RNF144B: variants seen among roughly 807,000 people sequenced by gnomAD.
RNF144B encodes ring finger protein 144B, also known as E3 ubiquitin-protein ligase RNF144B.
RNF144B carries 25 observed loss-of-function variants against 40.2 expected under a neutral mutation model. The ratio of observed to expected loss-of-function variants is 0.62; its 90% CI spans 0.45 to 0.87. RNF144B has a LOEUF of 0.87. Among genes scored for constraint, RNF144B ranks in the 40% least tolerant of loss-of-function variants. RNF144B has a pLI of 0.00. For synonymous variants in RNF144B, 145 were observed against 136.3 expected (o/e 1.06, Z -0.44); for missense variants, 365 against 373.7 (o/e 0.98, Z 0.19).
intron 2 of RNF144B, among the ~76,000 whole-genome samples, chr6:18,404,314 A>C (rs1031204710): frequency 2.0e-5 from 3 of 152,206 alleles, no homozygotes; most frequent in Non-Finnish European, 4.4e-5. Context: ...TATGGAGATA[A>C]GAAGACTCAG....
intron 2 of RNF144B, among the ~76,000 whole-genome samples, chr6:18,404,313 A>G (rs186132008): frequency 7.9e-5 from 12 of 152,320 alleles, no homozygotes; most frequent in African/African-American, 2.6e-4. Flanking sequence ...ATATGGAGAT[A>G]AGAAGACTCA....
Position 18,441,296 on chromosome 6 carries a change from T to C in RNF144B, c.331+1552T>C, listed in dbSNP as rs191141047. Among the ~76,000 whole-genome samples the C allele has an allele frequency of 1.1e-3, 175 of 152,330 alleles. 3 individuals are homozygous for C. In the East Asian group the frequency reaches 0.026, roughly 23 times the overall value. ...CTGTGGATGCCTGGCTGGTAGCAAG[T>C]ACCATGATTTGAGTGCTTTTACCTG... On this transcript the variant is annotated intron_variant, in intron 4 of 7. Transcript: ENST00000259939. This position sits in a 1 kb window ranked among gnomAD's most constrained non-coding sequence, Gnocchi z 4.9.
In RNF144B at chr6:18,434,353, TG is replaced by T. The variant is rs1349435470; in HGVS notation, c.271-5330del. On this transcript the variant is annotated intron_variant, in intron 3 of 7. Transcript: ENST00000259939. The surrounding 1 kb of genome is among the most constrained non-coding windows in gnomAD (Gnocchi z 4.1). ...CACTTTCTGCCTCCCTTTTTTGCTT[TG>T]TTTTTTTCTGAGAGGGGGTAAGGTC... Among the ~76,000 whole-genome samples, 1 of 150,238 alleles carries T rather than the reference TG, an allele frequency of 6.7e-6. No homozygotes were observed. The highest frequency in any genetic ancestry group is 2.4e-5 in the African/African-American group (1 of 41,378).
intron 3 of RNF144B, among the ~76,000 whole-genome samples, chr6:18,431,862 A>G (rs1758702418): frequency 6.6e-6 from 1 of 152,010 alleles, no homozygotes; most frequent in African/African-American, 2.4e-5. Context: ...TGCCTTCTTG[A>G]TTTTTCCAAA....
At chr6:18,401,416 G>A (rs1283326930) in intron 2 of RNF144B, among the ~76,000 whole-genome samples, 2 of 152,186 alleles carry the variant, frequency 1.3e-5, no homozygotes, top group Non-Finnish European at 2.9e-5. Flanking sequence ...CAAAAGCAGA[G>A]AGTCAAATGG....
At chr6:18,387,731 T>A (rs1301890422) in intron 1 of RNF144B, 101 bp downstream of exon 1, 32 of 1,039,406 alleles carry the variant, frequency 3.1e-5, no homozygotes, top group Non-Finnish European at 3.7e-5. Flanking sequence ...GACACCACAA[T>A]TTTTCGATTT....
chr6:18,457,416 A>G lies in RNF144B; in HGVS notation c.536+57A>G. On this transcript the variant is annotated intron_variant, in intron 5 of 7. Coordinates refer to ENST00000259939, the MANE Select transcript of RNF144B (RefSeq NM_182757.4). The surrounding 1 kb of genome is among the most constrained non-coding windows in gnomAD (Gnocchi z 5.1). ...TCACTAGTTTTCTTAGAAATTCAACATACCTTACGTGTAGAAGGAGTTACG... is the reference window on the plus strand; with the variant it reads ...TCACTAGTTTTCTTAGAAATTCAACGTACCTTACGTGTAGAAGGAGTTACG... The G allele has an allele frequency of 7.6e-7, 1 of 1,310,996 alleles. No homozygotes were observed. The highest frequency in any genetic ancestry group is 1.1e-6 in the Non-Finnish European group (1 of 903,558). 81.2% of individuals were successfully genotyped at this position (1,310,996 alleles called of 1,614,324 possible).
rs2113459981 is a variant in RNF144B at position 18,398,403 on chromosome 6, A to G, written c.-36-1096A>G. Among the ~76,000 whole-genome samples the G allele has an allele frequency of 6.6e-6, 1 of 151,958 alleles. No individual in the cohort carries two copies. The highest frequency in any genetic ancestry group is 2.1e-4 in the South Asian group (1 of 4,818). ...AATTTTTTATTTTTTGAGACGTTTC[A>G]TTCTGTCACCCAGGCTGGAGTGTGG... On this transcript the variant is annotated intron_variant, in intron 1 of 7. Transcript: ENST00000259939. The surrounding 1 kb of genome is among the most constrained non-coding windows in gnomAD (Gnocchi z 5.0).
chr6:18,419,161 C>T lies in RNF144B; in HGVS notation c.166-8420C>T, dbSNP rs189919340. ...TCAGTAAGGTAGTTGAATAGTAAGG[C>T]AGGCGAATGTTATCTCTGAAGTTCC... On this transcript the variant is annotated intron_variant, in intron 2 of 7. Coordinates refer to ENST00000259939, the MANE Select transcript of RNF144B (RefSeq NM_182757.4). The surrounding 1 kb of genome is among the most constrained non-coding windows in gnomAD (Gnocchi z 4.6). Among the ~76,000 whole-genome samples, 23 of 152,246 alleles carry T rather than the reference C, an allele frequency of 1.5e-4. No homozygotes were observed. Among genetic ancestry groups the T allele is most frequent in the South Asian group, 6.2e-4 (3 of 4,832 alleles).
chr6:18,450,167 G>A lies in RNF144B; in HGVS notation c.332-6988G>A, dbSNP rs558598102. Among the ~76,000 whole-genome samples, 15 of 152,274 alleles carry A rather than the reference G, an allele frequency of 9.9e-5. No homozygotes were observed. Among genetic ancestry groups the A allele is most frequent in the Non-Finnish European group, 1.9e-4 (13 of 68,024 alleles). On this transcript the variant is annotated intron_variant, in intron 4 of 7. Coordinates refer to ENST00000259939, the MANE Select transcript of RNF144B (RefSeq NM_182757.4). The surrounding 1 kb of genome is among the most constrained non-coding windows in gnomAD (Gnocchi z 4.7). ...TCTGCACTTTCCCAGACTTGTCTGT[G>A]CTGGATGCAGGTTTTATATTAATGT...
chr6:18,406,088 T>G lies in RNF144B; in HGVS notation c.165+6389T>G, dbSNP rs770669005. 3 of 518,946 alleles carry G rather than the reference T, an allele frequency of 5.8e-6. No individual in the cohort carries two copies. The highest frequency in any genetic ancestry group is 1.2e-5 in the Non-Finnish European group (3 of 259,882). The allele number at this position is 518,946 out of a possible 1,614,324, so 32.1% of individuals were successfully genotyped here. A position where few individuals can be genotyped will look rare whatever the true frequency, so the allele number is the denominator to read the frequency against. On this transcript the variant is annotated intron_variant, in intron 2 of 7. Transcript: ENST00000259939. The surrounding 1 kb of genome is among the most constrained non-coding windows in gnomAD (Gnocchi z 4.2). ...CAAATATTTGCTGTGTCTTGCATAGTTCTGATGGTTTGAATATAGTGGTGA... is the reference window on the plus strand; with the variant it reads ...CAAATATTTGCTGTGTCTTGCATAGGTCTGATGGTTTGAATATAGTGGTGA...
At chr6:18,399,392 T>A in intron 1 of RNF144B, 107 bp from the exon 2 acceptor site, 1 of 770,890 alleles carries the variant, frequency 1.3e-6, no homozygotes, top group South Asian at 1.9e-5. Flanking sequence ...GCTGTAAGTT[T>A]TGGGATAACT....
rs375860920 is a variant in RNF144B, at chr6:18,465,111, A to C, written c.*44A>C. ...GCCCCAGATATGTGAGTTACATGAG[A>C]TGGCACAGTGATAAAGCCCCATTTA... On this transcript the variant is annotated 3_prime_UTR_variant, in exon 8 of 8. Coordinates refer to ENST00000259939, the MANE Select transcript of RNF144B (RefSeq NM_182757.4). 8.7e-5 allele frequency: 140 copies of C among 1,602,880 alleles called. No individual in the cohort carries two copies. The highest frequency in any genetic ancestry group is 1.1e-4 in the Non-Finnish European group (134 of 1,172,508).
chr6:18,399,823 C>A, intron 2 of RNF144B, 124 bp downstream of exon 2: 1 of 741,174 alleles, frequency 1.3e-6, no homozygotes, highest in Non-Finnish European at 2.2e-6. Flanking sequence ...CTTTGGAAAG[C>A]ATTTCATATT....
In RNF144B at chr6:18,465,521, G is replaced by T. The variant is rs1472615543; in HGVS notation, c.*454G>T. The T allele has an allele frequency of 6.4e-6, 1 of 157,380 alleles. No individual in the cohort carries two copies. The highest frequency in any genetic ancestry group is 2.4e-5 in the African/African-American group (1 of 41,528). 9.7% of individuals were successfully genotyped at this position (157,380 alleles called of 1,614,324 possible). On this transcript the variant is annotated 3_prime_UTR_variant, in exon 8 of 8. Coordinates refer to ENST00000259939, the MANE Select transcript of RNF144B (RefSeq NM_182757.4). ...GGAAACCTGATGAGGAGAAGGATAA[G>T]ACTGCGTAAGGAGAAATCCTCATAG...
Position 18,405,642 on chromosome 6 carries a change from G to A in RNF144B, c.165+5943G>A, listed in dbSNP as rs1179241903. Among the ~76,000 whole-genome samples, 4 of 152,174 alleles carry A rather than the reference G, an allele frequency of 2.6e-5. No individual in the cohort carries two copies. Among genetic ancestry groups the A allele is most frequent in the African/African-American group, 9.7e-5 (4 of 41,424 alleles). On this transcript the variant is annotated intron_variant, in intron 2 of 7. Coordinates refer to ENST00000259939, the MANE Select transcript of RNF144B (RefSeq NM_182757.4). The surrounding 1 kb of genome is among the most constrained non-coding windows in gnomAD (Gnocchi z 4.5). ...TTTTGTATTTATTGGTCAAGTCACA[G>A]GTTTACAATGCCGATTTTATTGGCA...
intron 2 of RNF144B, among the ~76,000 whole-genome samples, chr6:18,426,061 G>A (rs574296116): frequency 1.6e-4 from 25 of 152,176 alleles, no homozygotes; most frequent in African/African-American, 5.5e-4. Context: ...ATTTTCAGGT[G>A]GAAAAAATGA....
intron 3 of RNF144B, among the ~76,000 whole-genome samples, chr6:18,433,295 G>A (rs907168129): frequency 6.6e-6 from 1 of 152,204 alleles, no homozygotes; most frequent in Non-Finnish European, 1.5e-5. Context: ...AATACGTGTT[G>A]GCTGGAGAAA....
At chr6:18,463,573 C>T (rs146743764) in intron 7 of RNF144B, among the ~76,000 whole-genome samples, 193 bp downstream of exon 7, 1 of 152,286 alleles carries the variant, frequency 6.6e-6, no homozygotes, top group Non-Finnish European at 1.5e-5. Context: ...GCACAGTCTC[C>T]TTAAGGACAA....
Sources: gnomAD v4.1 joint callset for allele counts (sites outside exome capture counted in the v4.1 genomes callset) on GRCh38, gnomAD v4.1.1 for gene constraint, Gnocchi (gnomAD v3.1) non-coding constraint, MANE v1.5 for transcripts, NCBI Gene and HGNC (gene_info 2026-07-23, HGNC 2026-07-21) for gene names.